GRM8: variants seen among roughly 807,000 people sequenced by gnomAD.
GRM8 encodes metabotropic glutamate receptor 8.
GRM8 carries 47 observed loss-of-function variants against 87.2 expected under a neutral mutation model. The ratio of observed to expected loss-of-function variants is 0.54; its 90% CI spans 0.43 to 0.69. The LOEUF is 0.69. Ranked by LOEUF, GRM8 falls within the 30% of genes least tolerant of loss-of-function variation. The pLI is 0.00. For synonymous variants in GRM8, 396 were observed against 404.5 expected, an observed-to-expected ratio of 0.98 and a Z score of 0.25; for missense variants, 1,019 against 1,139.2, an observed-to-expected ratio of 0.89 and a Z score of 1.52.
intron 6 of GRM8, among the ~76,000 whole-genome samples, chr7:126,847,062 G>A (rs1350779344): frequency 6.6e-6 from 1 of 152,152 alleles, no homozygotes; most frequent in Non-Finnish European, 1.5e-5. Context: ...TACTTTGGAT[G>A]TGCTGTTAAG....
intron 7 of GRM8, among the ~76,000 whole-genome samples, chr7:126,704,182 AT>A (rs1810242608): frequency 6.6e-6 from 1 of 152,186 alleles, no homozygotes; most frequent in Admixed American, 6.5e-5. Context: ...TTTCATGGAC[AT>A]TTATTAGTTC....
chr7:127,070,794 GT>G (rs757097349), intron 3 of GRM8, among the ~76,000 whole-genome samples: 3 of 152,068 alleles, frequency 2.0e-5, no homozygotes, highest in Non-Finnish European at 2.9e-5. Flanking sequence ...ATAACCCAGG[GT>G]TTTAGAACTG....
intron 6 of GRM8, among the ~76,000 whole-genome samples, chr7:126,817,689 A>G (rs1793917974): frequency 6.6e-6 from 1 of 152,116 alleles, no homozygotes; most frequent in African/African-American, 2.4e-5. Context: ...AGTTTTGAGC[A>G]ATTGATTTTC....
chr7:127,116,099 G>A (rs895631308), intron 2 of GRM8, among the ~76,000 whole-genome samples: 1 of 152,216 alleles, frequency 6.6e-6, no homozygotes, highest in Non-Finnish European at 1.5e-5. Context: ...CTGGGTGACA[G>A]AGAAAGACAC....
intron 7 of GRM8, among the ~76,000 whole-genome samples, chr7:126,677,379 A>G (rs576482600): frequency 6.6e-6 from 1 of 150,428 alleles, no homozygotes; most frequent in African/African-American, 2.4e-5. Context: ...AAAAAAAGCC[A>G]TATCAAAAAG....
intron 3 of GRM8, among the ~76,000 whole-genome samples, chr7:126,949,553 T>C (rs1298010014): frequency 6.6e-6 from 1 of 152,236 alleles, no homozygotes; most frequent in Non-Finnish European, 1.5e-5. Flanking sequence ...CCTATCTCTG[T>C]CCTCGAATAT....
At chr7:126,485,700 G>T (rs1563059717) in intron 9 of GRM8, among the ~76,000 whole-genome samples, 1 of 151,938 alleles carries the variant, frequency 6.6e-6, no homozygotes, top group Non-Finnish European at 1.5e-5. Flanking sequence ...ATTAGCAGTT[G>T]TTAACCTTTT....
intron 6 of GRM8, among the ~76,000 whole-genome samples, chr7:126,782,422 C>T (rs1235045827): frequency 6.6e-6 from 1 of 152,140 alleles, no homozygotes; most frequent in Non-Finnish European, 1.5e-5. Context: ...GCTTCATTTT[C>T]TCTCCCATTG....
intron 3 of GRM8, among the ~76,000 whole-genome samples, chr7:127,085,221 A>G (rs1823345608): frequency 6.6e-6 from 1 of 152,188 alleles, no homozygotes; most frequent in African/African-American, 2.4e-5. Flanking sequence ...ACTGATGGAC[A>G]TTTGGGTTGG....
intron 3 of GRM8, among the ~76,000 whole-genome samples, chr7:127,010,973 G>C (rs979023930): frequency 6.6e-6 from 1 of 151,880 alleles, no homozygotes; most frequent in Non-Finnish European, 1.5e-5. Flanking sequence ...TATTAAATAA[G>C]GGTCCTGAAC....
At chr7:127,095,179 A>C (rs2132951416) in intron 3 of GRM8, among the ~76,000 whole-genome samples, 1 of 152,338 alleles carries the variant, frequency 6.6e-6, no homozygotes, top group East Asian at 1.9e-4. Context: ...TGTAAGTCAA[A>C]TGTCTGGTGG....
At chr7:126,667,575 G>C (rs1343198983) in intron 7 of GRM8, among the ~76,000 whole-genome samples, 1 of 152,214 alleles carries the variant, frequency 6.6e-6, no homozygotes, top group Non-Finnish European at 1.5e-5. Flanking sequence ...AAAAGAGAAT[G>C]AGAATCTGAC....
intron 2 of GRM8, among the ~76,000 whole-genome samples, chr7:127,112,549 T>C (rs1434181816): frequency 1.3e-5 from 2 of 152,218 alleles, no homozygotes; most frequent in Admixed American, 1.3e-4. Context: ...CCTTTTGTTA[T>C]TTTCTTCCAT....
intron 7 of GRM8, among the ~76,000 whole-genome samples, chr7:126,656,582 C>T (rs1217973452): frequency 2.0e-5 from 3 of 152,022 alleles, no homozygotes; most frequent in African/African-American, 4.8e-5. Context: ...GCAGGAGAAT[C>T]GCTTGAACCT....
At chr7:126,896,348 G>A (rs1390338117) in intron 6 of GRM8, among the ~76,000 whole-genome samples, 1 of 151,946 alleles carries the variant, frequency 6.6e-6, no homozygotes, top group Non-Finnish European at 1.5e-5. Context: ...TCACGTAAAG[G>A]CATTCTCCCC....
intron 9 of GRM8, among the ~76,000 whole-genome samples, chr7:126,491,216 A>G (rs1339287393): frequency 6.6e-6 from 1 of 152,036 alleles, no homozygotes; most frequent in Admixed American, 6.6e-5. Flanking sequence ...TATGGCTTTC[A>G]TGAAGTTATA....
chr7:126,462,973 A>G (rs1804057662), intron 9 of GRM8, among the ~76,000 whole-genome samples: 1 of 151,586 alleles, frequency 6.6e-6, no homozygotes, highest in Non-Finnish European at 1.5e-5. Context: ...ATTGTATTGG[A>G]TTGTTTCTGG....
intron 7 of GRM8, among the ~76,000 whole-genome samples, chr7:126,762,607 A>G (rs1817695880): frequency 6.6e-6 from 1 of 152,158 alleles, no homozygotes; most frequent in Non-Finnish European, 1.5e-5. Context: ...AGAAATAACT[A>G]GGCAGTATTT....
In GRM8 at chr7:127,216,517, C is replaced by CAAA. The variant is rs58730624; in HGVS notation, c.510+26175_510+26177dup. 8.2e-3 allele frequency among the ~76,000 whole-genome samples: 513 copies of CAAA among 62,786 alleles called. 19 individuals carry two copies. The highest frequency in any genetic ancestry group is 0.017 in the African/African-American group (358 of 21,354). The allele number at this position is 62,786 out of a possible 152,430, so 41.2% of individuals were successfully genotyped here. A position where few individuals can be genotyped will look rare whatever the true frequency, so the allele number is the denominator to read the frequency against. On this transcript the variant is annotated intron_variant, in intron 2 of 10. Transcript: ENST00000339582. ...TGGGCGACAGAGCGAGACTCCGTCTCAAAAAAAAAAAAAAAAACAAAAAAA... is the reference window on the plus strand; with the variant it reads ...TGGGCGACAGAGCGAGACTCCGTCTCAAAAAAAAAAAAAAAAAAAACAAAAAAA...
Sources: allele counts gnomAD v4.1 joint callset (sites outside exome capture counted in the v4.1 genomes callset), GRCh38; gene constraint gnomAD v4.1.1; transcripts MANE v1.5; gene names NCBI Gene and HGNC (gene_info 2026-07-23, HGNC 2026-07-21).